GMDS: variants seen among roughly 807,000 people sequenced by gnomAD.
The protein encoded by GMDS is GDP-mannose 4,6 dehydratase.
In GMDS, 20 loss-of-function variants were observed where a neutral mutation model predicts 49.9. The ratio of observed to expected loss-of-function variants is 0.40; its 90% CI spans 0.28 to 0.58. The LOEUF (loss-of-function observed/expected upper bound fraction) is 0.58, where lower values mean the gene tolerates loss of function less well. Ranked by LOEUF, GMDS falls within the 20% of genes least tolerant of loss-of-function variation. The pLI is 0.42. For missense variants in GMDS, 362 were observed against 481.4 expected, an observed-to-expected ratio of 0.75 and a Z score of 2.32; for synonymous variants, 177 against 178.6, an observed-to-expected ratio of 0.99 and a Z score of 0.07.
intron 6 of GMDS, among the ~76,000 whole-genome samples, chr6:1,942,764 A>G (rs1762879919): frequency 6.6e-6 from 1 of 152,220 alleles, no homozygotes; most frequent in African/African-American, 2.4e-5. Flanking sequence ...TGCCATTCCC[A>G]TACTTGGGTA....
At chr6:2,165,419 T>C (rs1777615405) in intron 1 of GMDS, among the ~76,000 whole-genome samples, 1 of 152,224 alleles carries the variant, frequency 6.6e-6, no homozygotes, top group South Asian at 2.1e-4. Context: ...AGCTCATGGA[T>C]ATCAGGCAGG....
Position 1,640,925 on chromosome 6 carries a change from C to G in GMDS, c.988-16385G>C, listed in dbSNP as rs1763311728. Among the ~76,000 whole-genome samples the G allele has an allele frequency of 6.6e-6, 1 of 152,216 alleles. No individual in the cohort carries two copies. Among genetic ancestry groups the G allele is most frequent in the Admixed American group, 6.5e-5 (1 of 15,288 alleles). ...GGAGGGAGCAGGCTGGGCTAGGGCC[C>G]TGAAGGGCCGGCTGGTTAGAAACCC... On this transcript the variant is annotated intron_variant, in intron 9 of 10. Transcript: ENST00000380815. The surrounding 1 kb of genome is among the most constrained non-coding windows in gnomAD (Gnocchi z 4.0).
At chr6:2,057,070 T>G (rs987854682) in intron 4 of GMDS, among the ~76,000 whole-genome samples, 1 of 152,210 alleles carries the variant, frequency 6.6e-6, no homozygotes, top group Non-Finnish European at 1.5e-5. Flanking sequence ...AAAGTGCTTT[T>G]GAATAAAACA....
intron 4 of GMDS, among the ~76,000 whole-genome samples, chr6:2,003,010 A>G (rs1257512708): frequency 6.6e-6 from 1 of 152,196 alleles, no homozygotes; most frequent in Non-Finnish European, 1.5e-5. Context: ...TTTAACATGA[A>G]GAATCCCTGT....
At chr6:1,986,995 C>T (rs1048663489) in intron 4 of GMDS, among the ~76,000 whole-genome samples, 1 of 152,076 alleles carries the variant, frequency 6.6e-6, no homozygotes, top group East Asian at 1.9e-4. Flanking sequence ...GCACAATAAA[C>T]CAGTAGTTGA....
At chr6:2,202,948 G>A (rs893700577) in intron 1 of GMDS, among the ~76,000 whole-genome samples, 7 of 152,126 alleles carry the variant, frequency 4.6e-5, no homozygotes, top group African/African-American at 7.2e-5. Context: ...CAATAAAGGC[G>A]CCTGGGTCTG....
chr6:1,757,813 C>A (rs1207097919), intron 7 of GMDS, among the ~76,000 whole-genome samples: 1 of 152,084 alleles, frequency 6.6e-6, no homozygotes, highest in Admixed American at 6.5e-5. Context: ...ATAATGTGAG[C>A]CACACGTAAT....
At chr6:1,847,130 C>A (rs899828573) in intron 7 of GMDS, among the ~76,000 whole-genome samples, 1 of 152,148 alleles carries the variant, frequency 6.6e-6, no homozygotes, top group Non-Finnish European at 1.5e-5. Flanking sequence ...AATCATAGCT[C>A]ACTGCAGTCT....
intron 7 of GMDS, among the ~76,000 whole-genome samples, chr6:1,928,941 C>T (rs899850201): frequency 2.6e-5 from 4 of 151,458 alleles, no homozygotes; most frequent in African/African-American, 7.3e-5. Context: ...TGCACTCTAG[C>T]CTGAGCAACA....
intron 7 of GMDS, among the ~76,000 whole-genome samples, chr6:1,784,328 G>A (rs1264669520): frequency 6.7e-6 from 1 of 148,860 alleles, no homozygotes; most frequent in Non-Finnish European, 1.5e-5. Flanking sequence ...GGAGGTGGAG[G>A]TGGCAGTGAG....
chr6:1,690,531 C>T (rs529689803), intron 9 of GMDS, among the ~76,000 whole-genome samples: 19 of 152,234 alleles, frequency 1.2e-4, no homozygotes, highest in African/African-American at 3.6e-4. Flanking sequence ...CGGTTGTAGA[C>T]GTGCAGTCTT....
intron 4 of GMDS, among the ~76,000 whole-genome samples, chr6:2,098,321 G>A (rs879865795): frequency 2.0e-5 from 3 of 152,160 alleles, no homozygotes; most frequent in Middle Eastern, 3.2e-3. Flanking sequence ...GCTTCCCAAA[G>A]TGCTGGGATT....
intron 1 of GMDS, among the ~76,000 whole-genome samples, chr6:2,234,719 C>T (rs1023936983): frequency 4.6e-5 from 7 of 152,288 alleles, no homozygotes; most frequent in African/African-American, 1.7e-4. Flanking sequence ...ACCAGAGAAA[C>T]ATTCTCAAAA....
rs555725894 is a variant in GMDS, at chr6:1,852,949, G to A, written c.771+77154C>T. On this transcript the variant is annotated intron_variant, in intron 7 of 10. Transcript: ENST00000380815. ...TCGAACTCCCGACCTCAGGTGATCC[G>A]CCTCAGCCTCCCAAAGTGCTGGGAT... 2.0e-5 allele frequency among the ~76,000 whole-genome samples: 3 copies of A among 151,940 alleles called. No homozygotes were observed. The South Asian group carries it at 6.2e-4, about 32-fold the overall frequency.
chr6:1,624,271 A>T (rs768169322), intron 10 of GMDS, 40 bp from the exon 11 acceptor site: 1 of 1,581,178 alleles, frequency 6.3e-7, no homozygotes, highest in South Asian at 1.1e-5. Flanking sequence ...AGCTTCTGCC[A>T]CTCTCTCCTG....
At chr6:1,923,960 G>A (rs1050137240) in intron 7 of GMDS, among the ~76,000 whole-genome samples, 1 of 152,184 alleles carries the variant, frequency 6.6e-6, no homozygotes, top group African/African-American at 2.4e-5. Flanking sequence ...TGTATTAGCT[G>A]AGAACTGAGA....
chr6:1,933,951 G>A lies in GMDS; in HGVS notation c.644-3721C>T, dbSNP rs73425554. ...TTGGTGTCATATTCGAGAAGGCTTC[G>A]TTAATCCAAGGTCATGAAGATTTAT... On this transcript the variant is annotated intron_variant, in intron 6 of 10. Transcript: ENST00000380815. Among the ~76,000 whole-genome samples, 345 of 152,230 alleles carry A rather than the reference G, an allele frequency of 2.3e-3. 1 individual carries two copies. Among genetic ancestry groups the A allele is most frequent in the African/African-American group, 7.3e-3 (305 of 41,548 alleles).
chr6:1,632,891 A>C lies in GMDS; in HGVS notation c.988-8351T>G, dbSNP rs113727984. ...GAGACTTCGCCTCTAAAGGAAGAAA[A>C]ATTCGTGGACACAACCAACATGGCG... On this transcript the variant is annotated intron_variant, in intron 9 of 10. Coordinates refer to ENST00000380815, the MANE Select transcript of GMDS (RefSeq NM_001500.4). Among the ~76,000 whole-genome samples, 878 of 152,256 alleles carry C rather than the reference A, an allele frequency of 5.8e-3. 4 individuals carry two copies. The highest frequency in any genetic ancestry group is 0.02 in the African/African-American group (813 of 41,520).
intron 1 of GMDS, among the ~76,000 whole-genome samples, chr6:2,174,156 G>A (rs1778155748): frequency 6.6e-6 from 1 of 152,172 alleles, no homozygotes; most frequent in South Asian, 2.1e-4. Context: ...TGTGTGCAAG[G>A]TTCTGTGCTT....
Sources: allele counts gnomAD v4.1 joint callset (sites outside exome capture counted in the v4.1 genomes callset), GRCh38; gene constraint gnomAD v4.1.1; non-coding constraint Gnocchi (gnomAD v3.1); transcripts MANE v1.5; gene names NCBI Gene and HGNC (gene_info 2026-07-23, HGNC 2026-07-21).